Variants in EPB41L3 observed in about 807,000 individuals in gnomAD.
EPB41L3 encodes band 4.1-like protein 3.
In EPB41L3, 57 loss-of-function variants were observed where a neutral mutation model predicts 127.1. That is an observed-to-expected ratio of 0.45 (90% CI 0.36 to 0.56). EPB41L3 has a LOEUF of 0.56. Among genes scored for constraint, EPB41L3 ranks in the 20% least tolerant of loss-of-function variants. The probability of loss-of-function intolerance (pLI) is 0.00; values close to 1 mark genes in which losing one functional copy is unlikely to be tolerated. For missense variants in EPB41L3, 1,273 were observed against 1,372.2 expected (o/e 0.93, Z 1.14); for synonymous variants, 572 against 549.5 (o/e 1.04, Z -0.57).
chr18:5,578,269 T>TA (rs1238008267), intron 3 of EPB41L3, among the ~76,000 whole-genome samples: 2 of 152,130 alleles, frequency 1.3e-5, no homozygotes, highest in African/African-American at 4.8e-5. Flanking sequence ...TTTTTACAGA[T>TA]AAAAAAAGAT....
At chr18:5,548,102 A>G (rs185319755), upstream of EPB41L3, among the ~76,000 whole-genome samples, 2 of 152,328 alleles carry the variant, frequency 1.3e-5, no homozygotes, top group African/African-American at 2.4e-5. Flanking sequence ...GGTTTATTTT[A>G]TGCTCAGAAT....
chr18:5,419,601 G>A, intron 12 of EPB41L3, 110 bp downstream of exon 12: 1 of 1,426,404 alleles, frequency 7.0e-7, no homozygotes, highest in Non-Finnish European at 9.6e-7. Flanking sequence ...GACCAGTGCT[G>A]ACATATGATT....
At chr18:5,467,018 A>T (rs146874520) in intron 3 of EPB41L3, among the ~76,000 whole-genome samples, 1 of 152,324 alleles carries the variant, frequency 6.6e-6, no homozygotes, top group East Asian at 1.9e-4. Context: ...ATTGAAAAAG[A>T]ATCACTAGAT....
intron 1 of EPB41L3, among the ~76,000 whole-genome samples, chr18:5,507,895 ACT>A: frequency 6.6e-6 from 1 of 152,284 alleles, no homozygotes; most frequent in South Asian, 2.1e-4. Flanking sequence ...AACAGGTTGA[ACT>A]CTCTCCTTGC....
intron 1 of EPB41L3, among the ~76,000 whole-genome samples, chr18:5,502,029 TC>T (rs2091790524): frequency 6.8e-6 from 1 of 147,798 alleles, no homozygotes; most frequent in Non-Finnish European, 1.5e-5. Flanking sequence ...GTCGCCATCT[TC>T]CCTCCTGCCT....
intron 3 of EPB41L3, among the ~76,000 whole-genome samples, chr18:5,594,288 C>T (rs2094516076): frequency 6.6e-6 from 1 of 152,158 alleles, no homozygotes; most frequent in Admixed American, 6.5e-5. Flanking sequence ...TTCGGGGTCC[C>T]TGACTTCCCG....
intron 3 of EPB41L3, among the ~76,000 whole-genome samples, chr18:5,469,119 A>G (rs78056117): frequency 6.6e-6 from 1 of 152,150 alleles, no homozygotes; most frequent in African/African-American, 2.4e-5. Flanking sequence ...GCTGAAAAGC[A>G]TAACTGAAAA....
chr18:5,422,010 AAT>A (rs2077534404), intron 11 of EPB41L3, among the ~76,000 whole-genome samples: 1 of 152,234 alleles, frequency 6.6e-6, no homozygotes, highest in East Asian at 1.9e-4. Context: ...AGTAATTATC[AAT>A]ATGATTATTG....
rs1555757225 is a variant in EPB41L3 at position 5,492,289 on chromosome 18, C to CAAGGTTCCCTTCTCTTTTGAT, written c.-11-3096_-11-3095insATCAAAAGAGAAGGGAACCTT. On this transcript the variant is annotated intron_variant, in intron 1 of 22. Transcript: ENST00000341928. The stretch of plus-strand genomic sequence containing the variant: ...GAGCCGAGATTGCACCACTGCACTC[C>CAAGGTTCCCTTCTCTTTTGAT]AGCCTGGGTGACACAGAGAGACTCG... Among the ~76,000 whole-genome samples the CAAGGTTCCCTTCTCTTTTGAT allele has an allele frequency of 8.0e-4, 117 of 147,068 alleles. 1 individual carries two copies. The highest frequency in any genetic ancestry group is 2.1e-3 in the African/African-American group (78 of 37,264).
chr18:5,464,474 C>A (rs1043591539), intron 3 of EPB41L3, among the ~76,000 whole-genome samples: 2 of 152,174 alleles, frequency 1.3e-5, no homozygotes, highest in African/African-American at 4.8e-5. Context: ...GTGCCTCAAA[C>A]AGCTACTCCC....
intron 11 of EPB41L3, 85 bp downstream of exon 11, chr18:5,423,293 T>A: frequency 7.4e-7 from 1 of 1,345,574 alleles, no homozygotes. Flanking sequence ...TCCAGGAATA[T>A]CTATACTTAC....
At position 5,423,229 on chromosome 18, in the gene EPB41L3, C is replaced by T. The variant is rs1034855562; in HGVS notation, c.1339+149G>A. On this transcript the variant is annotated intron_variant, in intron 11 of 22. Coordinates refer to ENST00000341928, the MANE Select transcript of EPB41L3 (RefSeq NM_012307.5). ...GGGACTTTCATTTCGCTGGGGGAGA[C>T]TTAAAAATGTGCCATTCAGTCAATA... The T allele has an allele frequency of 3.9e-6, 3 of 761,218 alleles. No homozygotes were observed. The African/African-American group carries it at 5.4e-5, about 14-fold the overall frequency. 47.2% of individuals were successfully genotyped at this position (761,218 alleles called of 1,614,324 possible). A position where few individuals can be genotyped will look rare whatever the true frequency, so the allele number is the denominator to read the frequency against.
chr18:5,520,845 G>A (rs2092961306), intron 1 of EPB41L3, among the ~76,000 whole-genome samples: 1 of 152,094 alleles, frequency 6.6e-6, no homozygotes, highest in Admixed American at 6.5e-5. Flanking sequence ...AACTTCCAAA[G>A]GGCCTTTCAG....
At chr18:5,550,338 G>A (rs2093947048) in intron 3 of EPB41L3, among the ~76,000 whole-genome samples, 1 of 152,102 alleles carries the variant, frequency 6.6e-6, no homozygotes, top group Admixed American at 6.6e-5. Context: ...TCCTTCTAAA[G>A]CACAACATGA....
At chr18:5,488,909 T>A in intron 2 of EPB41L3, 92 bp downstream of exon 2, 3 of 1,383,418 alleles carry the variant, frequency 2.2e-6, no homozygotes, top group Non-Finnish European at 2.9e-6. Context: ...TGACCCCTCA[T>A]AGCTGCCTCT....
chr18:5,524,865 C>T (rs2093160623), intron 1 of EPB41L3, among the ~76,000 whole-genome samples: 1 of 152,132 alleles, frequency 6.6e-6, no homozygotes, highest in African/African-American at 2.4e-5. Context: ...GAACAGATGG[C>T]TCCTTGTGTT....
chr18:5,611,512 G>A (rs1237511203), intron 3 of EPB41L3, among the ~76,000 whole-genome samples: 2 of 152,174 alleles, frequency 1.3e-5, no homozygotes, highest in Admixed American at 6.5e-5. Context: ...TTTCAGTTTC[G>A]CAAGATGAAG....
At chr18:5,627,895 T>C (rs139447831) in intron 1 of EPB41L3, among the ~76,000 whole-genome samples, 193 of 152,346 alleles carry the variant, frequency 1.3e-3, no homozygotes, top group African/African-American at 4.0e-3. Flanking sequence ...GACTATTAAC[T>C]AATGTTAATA....
chr18:5,482,102 T>C (rs901254689), intron 2 of EPB41L3, among the ~76,000 whole-genome samples: 1 of 152,178 alleles, frequency 6.6e-6, no homozygotes, highest in Non-Finnish European at 1.5e-5. Context: ...AGGAAACTCA[T>C]GAGCTCAAGA....
Sources: gnomAD v4.1 joint callset for allele counts (sites outside exome capture counted in the v4.1 genomes callset) on GRCh38, gnomAD v4.1.1 for gene constraint, MANE v1.5 for transcripts, NCBI Gene and HGNC (gene_info 2026-07-23, HGNC 2026-07-21) for gene names.